MORN1: variants seen among roughly 807,000 people sequenced by gnomAD.
MORN1 encodes the protein MORN repeat containing 1.
A neutral mutation model predicts 61.9 loss-of-function variants in MORN1; 67 were observed. That is an observed-to-expected ratio of 1.08 (90% CI 0.89 to 1.33). MORN1 has a LOEUF of 1.33. Among genes scored for constraint, MORN1 ranks in the 40% most tolerant of loss-of-function variants. The pLI is 0.00. For missense variants in MORN1, 752 were observed against 691.2 expected (o/e 1.09, Z -0.99); for synonymous variants, 301 against 292.0 (o/e 1.03, Z -0.31).
intron 12 of MORN1, among the ~76,000 whole-genome samples, chr1:2,324,604 T>C (rs1230240503): frequency 1.3e-5 from 2 of 152,018 alleles, no homozygotes; most frequent in Non-Finnish European, 2.9e-5. Context: ...GGTGGTATGG[T>C]GCCCCCTTGG....
chr1:2,325,481 T>C (rs1641007192), intron 12 of MORN1, among the ~76,000 whole-genome samples: 1 of 151,010 alleles, frequency 6.6e-6, no homozygotes. Flanking sequence ...ACCATGCCCA[T>C]GGGACCACAG....
At chr1:2,347,310 G>C (rs1165808404) in intron 10 of MORN1, among the ~76,000 whole-genome samples, 1 of 152,160 alleles carries the variant, frequency 6.6e-6, no homozygotes, top group African/African-American at 2.4e-5. Flanking sequence ...AATCTAATGT[G>C]CCACGAAGGC....
chr1:2,346,535 G>A (rs1420565164), intron 10 of MORN1, among the ~76,000 whole-genome samples: 48 of 152,186 alleles, frequency 3.2e-4, no homozygotes, highest in South Asian at 2.1e-4. Flanking sequence ...ACAGGCGCCC[G>A]CCACCACACC....
chr1:2,327,863 C>T (rs1230126094), intron 12 of MORN1, among the ~76,000 whole-genome samples: 1 of 152,284 alleles, frequency 6.6e-6, no homozygotes, highest in African/African-American at 2.4e-5. Flanking sequence ...TTCCCAAGGC[C>T]CCGCATCGCG....
chr1:2,385,664 G>GGGGGT, intron 5 of MORN1, 143 bp downstream of exon 5: 1 of 683,516 alleles, frequency 1.5e-6, no homozygotes, highest in Non-Finnish European at 2.6e-6. Flanking sequence ...TTGGCACTGG[G>GGGGGT]GGGGTGGCGG....
intron 6 of MORN1, chr1:2,376,196 C>T (rs1323866062): frequency 2.0e-5 from 3 of 152,434 alleles, no homozygotes; most frequent in African/African-American, 7.2e-5. Flanking sequence ...TGTCCTATGA[C>T]TCCAGACGTT....
intron 8 of MORN1, among the ~76,000 whole-genome samples, chr1:2,361,419 G>A (rs1210580732): frequency 6.6e-6 from 1 of 152,122 alleles, no homozygotes; most frequent in East Asian, 1.9e-4. Flanking sequence ...TTAGCTGGGT[G>A]TGGTGGCACG....
chr1:2,336,451 G>T lies in MORN1; in HGVS notation c.1250+18C>A. 1 of 1,608,056 alleles carries T rather than the reference G, an allele frequency of 6.2e-7. No homozygotes were observed. Among genetic ancestry groups the T allele is most frequent in the Non-Finnish European group, 8.5e-7 (1 of 1,177,058 alleles). On this transcript the variant is annotated intron_variant, in intron 12 of 13. Transcript: ENST00000378531. Reference sequence around the variant, plus strand: ...GCTGACCCTCCGAACACCTGCAGGTGGGGTGGGCTCATCCTACCTGCTGCC... The same window carrying T: ...GCTGACCCTCCGAACACCTGCAGGTTGGGTGGGCTCATCCTACCTGCTGCC...
At chr1:2,362,813 G>A (rs1445481410) in intron 8 of MORN1, among the ~76,000 whole-genome samples, 4 of 151,750 alleles carry the variant, frequency 2.6e-5, no homozygotes, top group Admixed American at 1.3e-4. Context: ...GCAGTGAGCC[G>A]AGATCGCGCC....
At chr1:2,368,877 T>G (rs936043536) in intron 8 of MORN1, among the ~76,000 whole-genome samples, 6 of 151,852 alleles carry the variant, frequency 4.0e-5, no homozygotes, top group African/African-American at 1.5e-4. Flanking sequence ...GCCAACATGG[T>G]GAAACCCTGT....
chr1:2,345,857 A>ACAC (rs1298968582), intron 10 of MORN1, among the ~76,000 whole-genome samples: 1,011 of 99,886 alleles, frequency 0.01, 7 homozygotes, highest in African/African-American at 0.026. Context: ...ACACACACAG[A>ACAC]TGTTTGCTCT....
chr1:2,342,627 G>A (rs969623342), intron 10 of MORN1, among the ~76,000 whole-genome samples: 22 of 151,702 alleles, frequency 1.5e-4, no homozygotes, highest in Admixed American at 6.6e-4. Flanking sequence ...CCCAGCCCCG[G>A]GCTTCGTCCT....
At chr1:2,322,900 G>A (rs897424215) in intron 13 of MORN1, 63 of 985,302 alleles carry the variant, frequency 6.4e-5, no homozygotes, top group Admixed American at 1.2e-4. Flanking sequence ...GCCACCGTGC[G>A]GCAGGCCGGG....
At chr1:2,358,774 G>A (rs1399713063) in intron 8 of MORN1, 59 bp from the exon 9 acceptor site, 19 of 1,555,184 alleles carry the variant, frequency 1.2e-5, no homozygotes, top group East Asian at 2.4e-5. Context: ...CGGGGTGCGC[G>A]GGCCCGGGGC....
intron 12 of MORN1, among the ~76,000 whole-genome samples, chr1:2,327,680 C>T (rs1371470479): frequency 2.6e-5 from 4 of 152,206 alleles, no homozygotes; most frequent in African/African-American, 7.2e-5. Flanking sequence ...ATGGGGTGGA[C>T]GAGGCGGCAC....
chr1:2,343,028 C>T (rs1007546404), intron 10 of MORN1, among the ~76,000 whole-genome samples: 5 of 152,146 alleles, frequency 3.3e-5, no homozygotes, highest in East Asian at 3.9e-4. Context: ...CGTGGCCCCG[C>T]GCCAGCTCCC....
At chr1:2,382,989 G>C (rs1273418189) in intron 6 of MORN1, among the ~76,000 whole-genome samples, 1 of 152,114 alleles carries the variant, frequency 6.6e-6, no homozygotes, top group Non-Finnish European at 1.5e-5. Flanking sequence ...CCCTCCAGGG[G>C]CCCCACATCT....
intron 10 of MORN1, among the ~76,000 whole-genome samples, chr1:2,354,359 G>A (rs1641714452): frequency 6.6e-6 from 1 of 152,082 alleles, no homozygotes; most frequent in Non-Finnish European, 1.5e-5. Context: ...GAACTCAGGA[G>A]TTTGAGACCA....
chr1:2,352,325 G>A (rs1641667816), intron 10 of MORN1: 2 of 161,842 alleles, frequency 1.2e-5, no homozygotes, highest in Admixed American at 1.3e-4. Context: ...AGATGACAGT[G>A]GCAGAATAGG....
Sources: allele counts gnomAD v4.1 joint callset (sites outside exome capture counted in the v4.1 genomes callset), GRCh38; gene constraint gnomAD v4.1.1; transcripts MANE v1.5; gene names NCBI Gene and HGNC (gene_info 2026-07-23, HGNC 2026-07-21).